The following ABCB4 variants were observed in gnomAD, a reference collection of about 807,000 sequenced individuals.
The protein encoded by ABCB4 is phosphatidylcholine translocator ABCB4.
ABCB4 carries 76 observed loss-of-function variants against 145.7 expected under a neutral mutation model. That is an observed-to-expected ratio of 0.52 (90% CI 0.43 to 0.63). ABCB4 has a LOEUF of 0.63. ABCB4 is among the 30% of genes least tolerant of loss of function. The pLI is 0.00. For missense variants in ABCB4, 1,234 were observed against 1,553.1 expected, an observed-to-expected ratio of 0.79 and a Z score of 3.45; for synonymous variants, 517 against 566.8, an observed-to-expected ratio of 0.91 and a Z score of 1.25.
At chr7:87,383,918 C>T in the ABCB4 span, among the ~76,000 whole-genome samples, 1 of 152,032 alleles carries the variant, frequency 6.6e-6, no homozygotes, top group African/African-American at 2.4e-5. Context: ...GATTTCCTTT[C>T]TCTTGGATAT....
At chr7:87,372,577 A>C in the ABCB4 span, among the ~76,000 whole-genome samples, 24 of 152,222 alleles carry the variant, frequency 1.6e-4, no homozygotes, top group Admixed American at 7.9e-4. Context: ...GAAAATTTAC[A>C]TAAACATCTG....
At chr7:87,439,624 G>C in intron 14 of ABCB4, 43 bp downstream of exon 14, 1 of 1,611,016 alleles carries the variant, frequency 6.2e-7, no homozygotes, top group Non-Finnish European at 8.5e-7. Context: ...ATCTTCAATA[G>C]GTTTCAATGT....
At chr7:87,456,836 T>C (rs542708050) in intron 4 of ABCB4, among the ~76,000 whole-genome samples, 8 of 152,098 alleles carry the variant, frequency 5.3e-5, no homozygotes, top group African/African-American at 1.9e-4. Context: ...CCGGGGAAAC[T>C]CAGAGTTTCT....
In ABCB4 at chr7:87,451,777, C is replaced by T. The variant is rs779157316; in HGVS notation, c.554G>A (p.Ser185Asn). The T allele has an allele frequency of 8.7e-6, 14 of 1,614,140 alleles. No homozygotes were observed. The highest frequency in any genetic ancestry group is 1.2e-5 in the Non-Finnish European group (14 of 1,180,022). The change falls in exon 7 of 28, where the codon AGT (serine) becomes AAT (asparagine). Residue 185 changes from serine to asparagine, a missense_variant. Transcript: ENST00000649586. ...TCCAACCTTGTCACCAATTCCTTCA[C>T]TGATTTTGGAGATGTCACTAAAAAA... Reference protein sequence around the residue: ...TRLTDDISKISEGIGDKVGMF... With the variant: ...TRLTDDISKINEGIGDKVGMF...
intron 3 of ABCB4, among the ~76,000 whole-genome samples, chr7:87,464,933 C>A (rs1349712411): frequency 6.6e-6 from 1 of 152,178 alleles, no homozygotes; most frequent in Non-Finnish European, 1.5e-5. Flanking sequence ...CTCCAGTCAA[C>A]AGCTCCCAGT....
At position 87,411,020 on chromosome 7, in the gene ABCB4, A is replaced by C. The variant is rs1405125; in HGVS notation, c.2924+873T>G. Reference sequence around the variant, plus strand: ...TTAACTTCCTTCTTGGGTACTGCTTACCTTAACACTTTCCAGGCCTTTGTA... The same window carrying C: ...TTAACTTCCTTCTTGGGTACTGCTTCCCTTAACACTTTCCAGGCCTTTGTA... On this transcript the variant is annotated intron_variant, in intron 23 of 27. Transcript: ENST00000649586. 2.9e-3 allele frequency among the ~76,000 whole-genome samples: 448 copies of C among 152,250 alleles called. 14 individuals carry two copies. Among genetic ancestry groups the C allele is most frequent in the Admixed American group, 0.022 (330 of 15,300 alleles).
At chr7:87,394,067 G>T in the ABCB4 span, among the ~76,000 whole-genome samples, 1 of 152,028 alleles carries the variant, frequency 6.6e-6, no homozygotes, top group South Asian at 2.1e-4. Flanking sequence ...ATGAACATAA[G>T]CCCTTACAGA....
At chr7:87,378,226 C>G in the ABCB4 span, among the ~76,000 whole-genome samples, 3 of 151,782 alleles carry the variant, frequency 2.0e-5, no homozygotes, top group Non-Finnish European at 4.4e-5. Context: ...CGCCTGTGAT[C>G]CCAGCTACTT....
chr7:87,403,014 A>C (rs1156471883), intron 27 of ABCB4, 121 bp downstream of exon 27: 2 of 1,134,772 alleles, frequency 1.8e-6, no homozygotes, highest in Non-Finnish European at 2.6e-6. Flanking sequence ...AAAAATAAAA[A>C]CCACTATCTA....
chr7:87,466,760 A>T (rs1563003100), intron 3 of ABCB4, among the ~76,000 whole-genome samples: 1 of 152,240 alleles, frequency 6.6e-6, no homozygotes, highest in Non-Finnish European at 1.5e-5. Context: ...TTCTTAAAGA[A>T]AAGAATTTTC....
At chr7:87,410,696 T>C (rs1408882419) in intron 23 of ABCB4, among the ~76,000 whole-genome samples, 3 of 152,210 alleles carry the variant, frequency 2.0e-5, no homozygotes, top group Non-Finnish European at 4.4e-5. Context: ...CTCTACCTTC[T>C]ATCCCCCTAC....
Position 87,412,413 on chromosome 7 carries a change from C to G in ABCB4, c.2784-380G>C, listed in dbSNP as rs552353941. 9.9e-5 allele frequency among the ~76,000 whole-genome samples: 15 copies of G among 152,270 alleles called. No homozygotes were observed. The South Asian group carries it at 3.1e-3, about 32-fold the overall frequency. ...GTTTGAATTATCTGAATGTGATTTACTACTATTATGTTGTTTCCTGTAACT... is the reference window on the plus strand; with the variant it reads ...GTTTGAATTATCTGAATGTGATTTAGTACTATTATGTTGTTTCCTGTAACT... On this transcript the variant is annotated intron_variant, in intron 22 of 27. Transcript: ENST00000649586.
intron 3 of ABCB4, among the ~76,000 whole-genome samples, chr7:87,467,559 C>T (rs1258462001): frequency 2.0e-5 from 3 of 152,196 alleles, no homozygotes; most frequent in Admixed American, 6.5e-5. Flanking sequence ...TAGACATCTA[C>T]AGAACTCTCC....
intron 18 of ABCB4, 32 bp downstream of exon 18, chr7:87,422,080 AATTATAAAC>A (rs1368604659): frequency 1.5e-6 from 2 of 1,375,782 alleles, no homozygotes; most frequent in African/African-American, 2.9e-5. Context: ...TCTCTAATTA[AATTATAAAC>A]TTGATGAGAA....
chr7:87,413,066 C>G (rs534323919), intron 22 of ABCB4, among the ~76,000 whole-genome samples: 12 of 152,204 alleles, frequency 7.9e-5, no homozygotes, highest in Non-Finnish European at 1.8e-4. Context: ...AAAACATACT[C>G]ATTTATAAAA....
rs549345313 is a variant in ABCB4 at position 87,409,323 on chromosome 7, A to G, written c.2994T>C (p.Ala998=). ...GHASSFAPDY[A]KAKLSAAHLF... is the part of the protein sequence containing the mutation. ...AGTGGGCTGCAGACAGCTTAGCTTT[A>G]GCATAGTCTGGAGCAAATGAACTGG... is the stretch of plus-strand genomic sequence containing the variant. The change falls in exon 24 of 28, where the codon GCT becomes GCC. Residue 998 remains alanine (A), a synonymous_variant. Coordinates refer to ENST00000649586, the MANE Select transcript of ABCB4 (RefSeq NM_000443.4). 1.8e-5 allele frequency: 29 copies of G among 1,614,138 alleles called. 1 individual carries two copies. The East Asian group carries it at 5.6e-4, about 31-fold the overall frequency.
intron 14 of ABCB4, among the ~76,000 whole-genome samples, chr7:87,432,739 T>G (rs1810330744): frequency 6.6e-6 from 1 of 152,090 alleles, no homozygotes; most frequent in Non-Finnish European, 1.5e-5. Context: ...GAATGCAGAG[T>G]GACTGGTTTC....
At chr7:87,402,432 A>T in intron 27 of ABCB4, 130 bp from the exon 28 acceptor site, 1 of 1,119,280 alleles carries the variant, frequency 8.9e-7, no homozygotes, top group East Asian at 2.6e-5. Context: ...TTTGAACTTT[A>T]TGCATGTGTA....
rs118016265 is a variant in ABCB4 at position 87,452,197 on chromosome 7, G to A, written c.537-403C>T. 5.6e-4 allele frequency among the ~76,000 whole-genome samples: 85 copies of A among 152,138 alleles called. No homozygotes were observed. In the East Asian group the frequency reaches 0.016, roughly 29 times the overall value. ...GGAAGAGATCTTTGCTTCTACTCTTGTCCCTATTCCCAACCAAGTCTATTC... is the reference window on the plus strand; with the variant it reads ...GGAAGAGATCTTTGCTTCTACTCTTATCCCTATTCCCAACCAAGTCTATTC... On this transcript the variant is annotated intron_variant, in intron 6 of 27. Coordinates refer to ENST00000649586, the MANE Select transcript of ABCB4 (RefSeq NM_000443.4).
Sources: allele counts gnomAD v4.1 joint callset (sites outside exome capture counted in the v4.1 genomes callset), GRCh38; gene constraint gnomAD v4.1.1; transcripts MANE v1.5; gene names NCBI Gene and HGNC (gene_info 2026-07-23, HGNC 2026-07-21).